Variants in TMEM132D observed in about 807,000 individuals in gnomAD.
TMEM132D encodes transmembrane protein 132D.
Under a neutral mutation model 62.3 loss-of-function variants are expected in TMEM132D, and 21 were observed. The observed-to-expected ratio is 0.34, with a 90% CI of 0.24 to 0.49. TMEM132D has a LOEUF of 0.49. TMEM132D is among the 20% of genes least tolerant of loss of function. The pLI, the probability that TMEM132D is intolerant of heterozygous loss-of-function variation, is 0.99. For missense variants in TMEM132D, 1,346 were observed against 1,402.8 expected (o/e 0.96, Z 0.65); for synonymous variants, 621 against 575.6 (o/e 1.08, Z -1.13).
chr12:129,517,427 C>T (rs750582775), intron 3 of TMEM132D, among the ~76,000 whole-genome samples: 6 of 151,962 alleles, frequency 3.9e-5, no homozygotes, highest in Non-Finnish European at 8.8e-5. Context: ...AATACTTCAA[C>T]GAAAAGGGGT....
intron 3 of TMEM132D, among the ~76,000 whole-genome samples, chr12:129,436,191 G>A (rs775727491): frequency 3.9e-5 from 6 of 152,164 alleles, no homozygotes; most frequent in African/African-American, 4.8e-5. Context: ...CTGGTATCCT[G>A]ATGATTTAAT....
chr12:129,473,324 G>GTT (rs751523415), intron 3 of TMEM132D, among the ~76,000 whole-genome samples: 13,924 of 80,756 alleles, frequency 0.17, 2,262 homozygotes, highest in Admixed American at 0.21. Flanking sequence ...TTTAGTTTTT[G>GTT]TTTTTTTTTT....
At chr12:129,188,370 T>G (rs1264190889) in intron 5 of TMEM132D, among the ~76,000 whole-genome samples, 1 of 152,218 alleles carries the variant, frequency 6.6e-6, no homozygotes, top group African/African-American at 2.4e-5. Context: ...TGGCCAATAC[T>G]CCAGCTGACT....
rs569562414 is a variant in TMEM132D at position 129,128,614 on chromosome 12, C to T, written c.1444-43912G>A. Among the ~76,000 whole-genome samples the T allele has an allele frequency of 9.2e-5, 14 of 152,232 alleles. 1 individual carries two copies. Among genetic ancestry groups the T allele is most frequent in the Admixed American group, 4.6e-4 (7 of 15,284 alleles). Reference sequence around the variant, plus strand: ...TGAGATTTAGGTGGGGACACAGAGGCAAACCATACCAACGGGATACATGTG... The same window carrying T: ...TGAGATTTAGGTGGGGACACAGAGGTAAACCATACCAACGGGATACATGTG... On this transcript the variant is annotated intron_variant, in intron 5 of 8. Transcript: ENST00000422113.
In TMEM132D at chr12:129,084,544, C is replaced by T. The variant is rs79067456; in HGVS notation, c.1602G>A (p.Glu534=). 1 of 1,612,590 alleles carries T rather than the reference C, an allele frequency of 6.2e-7. No homozygotes were observed. Among genetic ancestry groups the T allele is most frequent in the Non-Finnish European group, 8.5e-7 (1 of 1,179,236 alleles). ...LPLQIEVSDT[E]LNQIKGWRVP... is the part of the protein sequence containing the mutation. Reference sequence around the variant, plus strand: ...CTCTCCAACCCTTGATCTGATTGAGCTCGGTGTCGGAGACCTCGATCTGCA... The same window carrying T: ...CTCTCCAACCCTTGATCTGATTGAGTTCGGTGTCGGAGACCTCGATCTGCA... The change falls in exon 6 of 9, where the codon GAG becomes GAA. Residue 534 remains glutamate (E), a synonymous_variant. Transcript: ENST00000422113.
chr12:129,354,836 T>A (rs1344852199), intron 3 of TMEM132D, among the ~76,000 whole-genome samples: 1 of 152,202 alleles, frequency 6.6e-6, no homozygotes, highest in Non-Finnish European at 1.5e-5. Context: ...ATGTCCACTC[T>A]TGATTTCTGC....
intron 5 of TMEM132D, among the ~76,000 whole-genome samples, chr12:129,170,417 A>C (rs918435624): frequency 2.0e-5 from 3 of 152,236 alleles, no homozygotes; most frequent in African/African-American, 7.2e-5. Context: ...AGAGAGTTAC[A>C]GGAATTTTTT....
chr12:129,466,769 T>G (rs1873921031), intron 3 of TMEM132D, among the ~76,000 whole-genome samples: 1 of 152,198 alleles, frequency 6.6e-6, no homozygotes, highest in Non-Finnish European at 1.5e-5. Flanking sequence ...TCTCATGTAT[T>G]ATTTCCTTAG....
intron 4 of TMEM132D, among the ~76,000 whole-genome samples, chr12:129,282,335 A>T (rs1358778244): frequency 6.6e-6 from 1 of 152,164 alleles, no homozygotes. Context: ...GACAAGGCTC[A>T]TAGTACCCCT....
chr12:129,091,274 C>G (rs957587073), intron 5 of TMEM132D, among the ~76,000 whole-genome samples: 1 of 137,872 alleles, frequency 7.3e-6, no homozygotes, highest in African/African-American at 2.7e-5. Flanking sequence ...TCTGGGGACC[C>G]TTCCTAAACT....
intron 5 of TMEM132D, among the ~76,000 whole-genome samples, chr12:129,198,505 T>G (rs1277690674): frequency 6.6e-6 from 1 of 152,256 alleles, no homozygotes; most frequent in Non-Finnish European, 1.5e-5. Flanking sequence ...TGTATCATTT[T>G]TGACAATATG....
chr12:129,501,649 T>G (rs1388836462), intron 3 of TMEM132D, among the ~76,000 whole-genome samples: 1 of 151,978 alleles, frequency 6.6e-6, no homozygotes, highest in Non-Finnish European at 1.5e-5. Context: ...GGCCTATAGA[T>G]GCACACCATC....
chr12:129,423,453 T>C (rs1872388960), intron 3 of TMEM132D, among the ~76,000 whole-genome samples: 1 of 152,026 alleles, frequency 6.6e-6, no homozygotes, highest in African/African-American at 2.4e-5. Context: ...TCTTCTAGGG[T>C]TGGGTTAGCA....
chr12:129,649,904 GTC>G (rs1593105090), intron 2 of TMEM132D, among the ~76,000 whole-genome samples: 1 of 150,688 alleles, frequency 6.6e-6, no homozygotes, highest in South Asian at 2.1e-4. Flanking sequence ...TTGTGTGTGT[GTC>G]TATGTGTACG....
At chr12:129,674,575 A>T (rs573375449) in intron 2 of TMEM132D, among the ~76,000 whole-genome samples, 84 of 152,320 alleles carry the variant, frequency 5.5e-4, no homozygotes, top group African/African-American at 1.9e-3. Context: ...GTCTCAAAAC[A>T]GTCACCTGGG....
Position 129,307,268 on chromosome 12 carries a change from A to G in TMEM132D, c.1299+30366T>C, listed in dbSNP as rs1261615682. Among the ~76,000 whole-genome samples, 7 of 152,316 alleles carry G rather than the reference A, an allele frequency of 4.6e-5. No homozygotes were observed. In the East Asian group the frequency reaches 1.4e-3, roughly 29 times the overall value. The stretch of plus-strand genomic sequence containing the variant: ...GAAAAGAGTATAATCCAACCAAGTG[A>G]CAGTGACTGGGAAACACCTATTGAA... On this transcript the variant is annotated intron_variant, in intron 4 of 8. Coordinates refer to ENST00000422113, the MANE Select transcript of TMEM132D (RefSeq NM_133448.3).
intron 4 of TMEM132D, among the ~76,000 whole-genome samples, chr12:129,240,808 T>C (rs1423063948): frequency 6.6e-6 from 1 of 152,158 alleles, no homozygotes; most frequent in African/African-American, 2.4e-5. Flanking sequence ...CTTGGTCCGC[T>C]TCAGGTTTTC....
At chr12:129,678,753 T>G (rs1180427901) in intron 2 of TMEM132D, among the ~76,000 whole-genome samples, 2 of 152,134 alleles carry the variant, frequency 1.3e-5, no homozygotes, top group African/African-American at 4.8e-5. Context: ...TCTACACTGA[T>G]TTACTTTTTC....
rs575192571 is a variant in TMEM132D at position 129,276,005 on chromosome 12, T to A, written c.1299+61629A>T. Among the ~76,000 whole-genome samples the A allele has an allele frequency of 2.0e-5, 3 of 151,670 alleles. No individual in the cohort carries two copies. The South Asian group carries it at 6.3e-4, about 32-fold the overall frequency. On this transcript the variant is annotated intron_variant, in intron 4 of 8. Transcript: ENST00000422113. The stretch of plus-strand genomic sequence containing the variant: ...AGGAGTTCAATCTCTTATCCCGCAG[T>A]CTGCTTTCCAGGCACGTGGATGCAC...
Sources: gnomAD v4.1 joint callset for allele counts (sites outside exome capture counted in the v4.1 genomes callset) on GRCh38, gnomAD v4.1.1 for gene constraint, MANE v1.5 for transcripts, NCBI Gene and HGNC (gene_info 2026-07-23, HGNC 2026-07-21) for gene names.